The following SLC9B2 variants were observed in gnomAD, a reference collection of about 807,000 sequenced individuals.
SLC9B2 encodes sodium/hydrogen exchanger 9B2.
In SLC9B2, 39 loss-of-function variants were observed where a neutral mutation model predicts 52.2. The ratio of observed to expected loss-of-function variants is 0.75; its 90% CI spans 0.58 to 0.98. SLC9B2 has a LOEUF of 0.98. Ranked by LOEUF, SLC9B2 falls within the 50% of genes least tolerant of loss-of-function variation. The pLI, the probability that SLC9B2 is intolerant of heterozygous loss-of-function variation, is 0.00. For missense variants in SLC9B2, 626 were observed against 637.5 expected (o/e 0.98, Z 0.19); for synonymous variants, 214 against 227.0 (o/e 0.94, Z 0.51).
At chr4:103,060,073 G>T (rs1745487552) in intron 3 of SLC9B2, among the ~76,000 whole-genome samples, 1 of 151,198 alleles carries the variant, frequency 6.6e-6, no homozygotes, top group African/African-American at 2.4e-5. Flanking sequence ...TTTCCTTTCA[G>T]TATGATGTGT....
intron 4 of SLC9B2, among the ~76,000 whole-genome samples, chr4:103,052,515 T>C (rs887151820): frequency 6.6e-6 from 1 of 152,208 alleles, no homozygotes; most frequent in Non-Finnish European, 1.5e-5. Context: ...TATATATTGA[T>C]AGCTTAACAG....
chr4:103,060,107 T>C (rs537044137), intron 3 of SLC9B2, among the ~76,000 whole-genome samples: 2 of 152,188 alleles, frequency 1.3e-5, no homozygotes, highest in South Asian at 4.1e-4. Context: ...CCTTTTGTTT[T>C]GCTTAAGATT....
intron 4 of SLC9B2, among the ~76,000 whole-genome samples, chr4:103,054,629 C>T (rs1387495636): frequency 2.0e-5 from 3 of 152,134 alleles, no homozygotes; most frequent in Non-Finnish European, 4.4e-5. Flanking sequence ...GGGTGGGTTC[C>T]AATTAATATT....
At chr4:103,072,026 G>A (rs1746678840) in intron 1 of SLC9B2, among the ~76,000 whole-genome samples, 1 of 128,224 alleles carries the variant, frequency 7.8e-6, no homozygotes, top group Admixed American at 7.8e-5. Context: ...AATAGCAGTG[G>A]TTTTCAAAAT....
intron 11 of SLC9B2, 109 bp from the exon 12 acceptor site, chr4:103,026,700 A>G (rs1742249195): frequency 2.0e-6 from 2 of 1,000,804 alleles, no homozygotes; most frequent in Non-Finnish European, 1.4e-6. Flanking sequence ...TTGCTCAACT[A>G]AGAAAGTTGT....
chr4:103,060,309 C>G (rs1415168095), intron 3 of SLC9B2, among the ~76,000 whole-genome samples: 1 of 151,092 alleles, frequency 6.6e-6, no homozygotes, highest in African/African-American at 2.4e-5. Flanking sequence ...TAATCTGCTG[C>G]CTAATTTGTC....
chr4:103,059,535 T>A (rs561834041), intron 3 of SLC9B2, among the ~76,000 whole-genome samples: 1 of 152,340 alleles, frequency 6.6e-6, no homozygotes, highest in East Asian at 1.9e-4. Flanking sequence ...CTAAACCAGC[T>A]ACTAATTGCA....
chr4:103,045,825 G>C lies in SLC9B2; in HGVS notation c.890-829C>G, dbSNP rs1744073004. Reference sequence around the variant, plus strand: ...GTTCTGATTTAATTGTCTAAGATAGGACCTACATAAGAGTATTTTTAAAAA... The same window carrying C: ...GTTCTGATTTAATTGTCTAAGATAGCACCTACATAAGAGTATTTTTAAAAA... On this transcript the variant is annotated intron_variant, in intron 7 of 11. Coordinates refer to ENST00000394785, the MANE Select transcript of SLC9B2 (RefSeq NM_178833.7). Among the ~76,000 whole-genome samples the C allele has an allele frequency of 2.0e-5, 3 of 152,164 alleles. No individual in the cohort carries two copies. The South Asian group carries it at 6.2e-4, about 32-fold the overall frequency.
rs1366025677 is a variant in SLC9B2 at position 103,022,524 on chromosome 4, CTG to C, written c.*3844_*3845del. On this transcript the variant is annotated 3_prime_UTR_variant, in exon 12 of 12. Coordinates refer to ENST00000394785, the MANE Select transcript of SLC9B2 (RefSeq NM_178833.7). The stretch of plus-strand genomic sequence containing the variant: ...TTTCAGTTTTCTTGTTTGTATTTTT[CTG>C]TGTTCTAAATTTTTTGCAATGAAAA... 2.6e-5 allele frequency among the ~76,000 whole-genome samples: 4 copies of C among 151,998 alleles called. No individual in the cohort carries two copies. The highest frequency in any genetic ancestry group is 4.4e-5 in the Non-Finnish European group (3 of 67,978).
chr4:103,065,060 G>GA (rs1272544049), intron 3 of SLC9B2, among the ~76,000 whole-genome samples: 2 of 150,624 alleles, frequency 1.3e-5, no homozygotes, highest in African/African-American at 2.4e-5. Context: ...CTGTCTCCAG[G>GA]AAAAAAAAGG....
At chr4:103,057,699 A>G in intron 4 of SLC9B2, 102 bp downstream of exon 4, 1 of 1,308,174 alleles carries the variant, frequency 7.6e-7, no homozygotes. Context: ...CCAGCATGGC[A>G]AATACAGAAA....
At chr4:103,037,067 G>A (rs1411935395) in intron 9 of SLC9B2, among the ~76,000 whole-genome samples, 1 of 151,832 alleles carries the variant, frequency 6.6e-6, no homozygotes, top group Non-Finnish European at 1.5e-5. Context: ...CTCATTAGGT[G>A]AACTGATGTG....
At chr4:103,061,710 G>A (rs1439303930) in intron 3 of SLC9B2, among the ~76,000 whole-genome samples, 1 of 152,010 alleles carries the variant, frequency 6.6e-6, no homozygotes, top group African/African-American at 2.4e-5. Flanking sequence ...TCCAGGGTGG[G>A]GCCACCTTGA....
At chr4:103,038,943 T>G (rs1743399996) in intron 9 of SLC9B2, among the ~76,000 whole-genome samples, 1 of 152,218 alleles carries the variant, frequency 6.6e-6, no homozygotes, top group Non-Finnish European at 1.5e-5. Flanking sequence ...CAGAAAACTA[T>G]GGACACAAAC....
chr4:103,032,357 A>G (rs962468585), intron 9 of SLC9B2, among the ~76,000 whole-genome samples: 5 of 152,174 alleles, frequency 3.3e-5, no homozygotes, highest in Admixed American at 1.3e-4. Context: ...GGTTATCTCA[A>G]ATCACGCACA....
intron 4 of SLC9B2, among the ~76,000 whole-genome samples, chr4:103,055,121 A>G (rs1019594152): frequency 1.3e-5 from 2 of 152,012 alleles, no homozygotes; most frequent in Admixed American, 1.3e-4. Flanking sequence ...CATCGTTCTC[A>G]GCAAACTATT....
intron 9 of SLC9B2, chr4:103,042,390 AT>A (rs888626365): frequency 6.6e-6 from 1 of 152,126 alleles, no homozygotes; most frequent in African/African-American, 2.4e-5. Flanking sequence ...ACAAAAATGA[AT>A]CTGAAAATTA....
chr4:103,075,300 C>G (rs1747021398), intron 1 of SLC9B2, among the ~76,000 whole-genome samples: 1 of 152,142 alleles, frequency 6.6e-6, no homozygotes, highest in African/African-American at 2.4e-5. Flanking sequence ...CGGGCGTGCA[C>G]CACCATGCCC....
At chr4:103,040,889 GCC>G (rs1233656347) in intron 9 of SLC9B2, among the ~76,000 whole-genome samples, 4 of 152,126 alleles carry the variant, frequency 2.6e-5, no homozygotes, top group Non-Finnish European at 4.4e-5. Flanking sequence ...AAATTCTCAA[GCC>G]CCACCACAGT....
Sources: gnomAD v4.1 joint callset for allele counts (sites outside exome capture counted in the v4.1 genomes callset) on GRCh38, gnomAD v4.1.1 for gene constraint, MANE v1.5 for transcripts, NCBI Gene and HGNC (gene_info 2026-07-23, HGNC 2026-07-21) for gene names.